The following SCP2 variants were observed in gnomAD, a reference collection of about 807,000 sequenced individuals.
SCP2 encodes sterol carrier protein 2.
Under a neutral mutation model 71.4 loss-of-function variants are expected in SCP2, and 48 were observed. That is an observed-to-expected ratio of 0.67 (90% CI 0.53 to 0.86). The LOEUF (loss-of-function observed/expected upper bound fraction) is 0.86, where lower values mean the gene tolerates loss of function less well. Ranked by LOEUF, SCP2 falls within the 40% of genes least tolerant of loss-of-function variation. SCP2 has a pLI of 0.00. For missense variants in SCP2, 560 were observed against 655.6 expected (o/e 0.85, Z 1.59); for synonymous variants, 220 against 218.1 (o/e 1.01, Z -0.08).
intron 11 of SCP2, among the ~76,000 whole-genome samples, chr1:53,007,108 C>T (rs1295372658): frequency 6.6e-6 from 1 of 152,184 alleles, no homozygotes; most frequent in East Asian, 1.9e-4. Flanking sequence ...TCACCCAATA[C>T]AGGAGCACCC....
intron 11 of SCP2, chr1:52,996,147 G>A (rs1381263112): frequency 2.4e-6 from 1 of 423,500 alleles, no homozygotes; most frequent in East Asian, 3.6e-5. Context: ...CTAGAACAGT[G>A]CTTAGCACGT....
chr1:52,948,277 C>T (rs1035058412), intron 3 of SCP2, among the ~76,000 whole-genome samples, 197 bp downstream of exon 3: 2 of 152,104 alleles, frequency 1.3e-5, no homozygotes, highest in Non-Finnish European at 2.9e-5. Context: ...TAAAGATTTC[C>T]CTTGTGTGTC....
intron 11 of SCP2, among the ~76,000 whole-genome samples, chr1:53,002,914 G>A (rs2150211714): frequency 6.6e-6 from 1 of 152,242 alleles, no homozygotes; most frequent in East Asian, 1.9e-4. Flanking sequence ...TAAATCCTAG[G>A]ACGATGACTG....
intron 6 of SCP2, among the ~76,000 whole-genome samples, chr1:52,968,314 C>T (rs534887383): frequency 6.6e-6 from 1 of 152,138 alleles, no homozygotes; most frequent in African/African-American, 2.4e-5. Context: ...GGTAGTTTGT[C>T]TCTTTTGTTA....
At chr1:53,033,787 G>C (rs1662723794) in intron 13 of SCP2, among the ~76,000 whole-genome samples, 2 of 152,006 alleles carry the variant, frequency 1.3e-5, no homozygotes, top group African/African-American at 4.8e-5. Flanking sequence ...TTATGACCCA[G>C]CAATTACACT....
At chr1:52,961,265 A>C (rs1656418592) in intron 5 of SCP2, among the ~76,000 whole-genome samples, 1 of 149,092 alleles carries the variant, frequency 6.7e-6, no homozygotes, top group South Asian at 2.1e-4. Context: ...AGTTACTGGC[A>C]CATACTGGAT....
rs768237657 is a variant in SCP2 at position 52,978,337 on chromosome 1, C to A, written c.795C>A (p.Ser265Arg). Residue 265 changes from serine to arginine, a missense_variant, in exon 9 of 16, where the codon AGC becomes AGA. This residue lies in a region of SCP2 where 513 missense variants were observed against 573.1 expected (regional missense o/e 0.90). Coordinates refer to ENST00000371514, the MANE Select transcript of SCP2 (RefSeq NM_002979.5). ...AAGAAATGATGACTGATTTGCCAAG[C>A]TCGTTTGAAGAAAAAAGCATTATTA... The part of the protein sequence containing the change: ...LAQEMMTDLP[S>R]SFEEKSIIKM... The A allele has an allele frequency of 6.2e-7, 1 of 1,613,886 alleles. No individual in the cohort carries two copies. The highest frequency in any genetic ancestry group is 2.2e-5 in the East Asian group (1 of 44,884).
In SCP2 at chr1:52,954,674, T is replaced by C. The variant is rs368169797; in HGVS notation, c.332-66T>C. 2.4e-4 allele frequency: 288 copies of C among 1,212,180 alleles called. 3 individuals are homozygous for C. Among genetic ancestry groups the C allele is most frequent in the Middle Eastern group, 2.3e-3 (12 of 5,112 alleles). 75.1% of individuals were successfully genotyped at this position (1,212,180 alleles called of 1,614,324 possible). On this transcript the variant is annotated intron_variant, in intron 4 of 15. Transcript: ENST00000371514. ...CTTGACGTACTTATTTGAATTGAAG[T>C]ATTTAATGGTATTTTGTTGGTGTTT... is the stretch of plus-strand genomic sequence containing the variant.
intron 12 of SCP2, among the ~76,000 whole-genome samples, chr1:53,019,028 A>G (rs1340702663): frequency 6.6e-6 from 1 of 152,098 alleles, no homozygotes; most frequent in East Asian, 1.9e-4. Context: ...TCAGTTTGCA[A>G]TTGCCTAATG....
At chr1:52,993,845 A>G (rs188594598) in intron 11 of SCP2, 20 of 1,500,564 alleles carry the variant, frequency 1.3e-5, no homozygotes, top group Non-Finnish European at 1.8e-5. Flanking sequence ...ATGCATTTAT[A>G]CAACATTAGT....
chr1:52,965,147 T>G (rs1656839173), intron 6 of SCP2, among the ~76,000 whole-genome samples: 1 of 152,238 alleles, frequency 6.6e-6, no homozygotes, highest in Non-Finnish European at 1.5e-5. Context: ...TATTATATAA[T>G]CTACAGACCT....
intron 12 of SCP2, among the ~76,000 whole-genome samples, chr1:53,027,318 G>C (rs1662203342): frequency 6.6e-6 from 1 of 152,042 alleles, no homozygotes; most frequent in Non-Finnish European, 1.5e-5. Context: ...GCCTCCCAAA[G>C]TGTAGGATTA....
chr1:52,981,631 C>T (rs182738090), intron 10 of SCP2, among the ~76,000 whole-genome samples: 35 of 151,610 alleles, frequency 2.3e-4, no homozygotes, highest in Non-Finnish European at 3.8e-4. Flanking sequence ...AGGGTTTCAC[C>T]ATGTTGCGCG....
At chr1:52,980,686 T>C in intron 10 of SCP2, 143 bp downstream of exon 10, 2 of 829,976 alleles carry the variant, frequency 2.4e-6, no homozygotes, top group Non-Finnish European at 2.0e-6. Context: ...TAAGCTGTTT[T>C]GGTAGTGGAC....
intron 12 of SCP2, among the ~76,000 whole-genome samples, chr1:53,015,545 C>G (rs1324896769): frequency 2.6e-5 from 4 of 152,168 alleles, no homozygotes; most frequent in Non-Finnish European, 4.4e-5. Context: ...ACTCAGGATC[C>G]CTCAACTCCC....
In SCP2 at chr1:53,038,956, G is replaced by T. The variant is rs778291738; in HGVS notation, c.1378G>T (p.Ala460Ser). 1 of 1,613,962 alleles carries T rather than the reference G, an allele frequency of 6.2e-7. No homozygotes were observed. Among genetic ancestry groups the T allele is most frequent in the African/African-American group, 1.3e-5 (1 of 74,886 alleles). Residue 460 changes from alanine to serine, a missense_variant, in exon 14 of 16, where the codon GCC becomes TCC. Transcript: ENST00000371514. ...QFVKKIGGIF[A>S]FKVKDGPGGK... The stretch of plus-strand genomic sequence containing the variant: ...TGTGAAGAAAATCGGTGGTATTTTT[G>T]CCTTCAAGGTGAAAGATGGCCCTGG...
At chr1:53,018,895 C>T (rs1294148074) in intron 12 of SCP2, among the ~76,000 whole-genome samples, 3 of 151,994 alleles carry the variant, frequency 2.0e-5, no homozygotes, top group Admixed American at 1.3e-4. Context: ...CCTAAAAATG[C>T]ATTTAGCTGT....
intron 2 of SCP2, chr1:52,943,646 C>T (rs1168588775): frequency 4.6e-6 from 2 of 432,318 alleles, no homozygotes; most frequent in South Asian, 1.8e-5. Context: ...ATAGGCCTCA[C>T]TTACTTCTTG....
Position 52,976,706 on chromosome 1 carries a change from A to G in SCP2, c.611A>G (p.Tyr204Cys). The stretch of plus-strand genomic sequence containing the variant: ...AGGTATTCCCAGTTCCAAGATGAAT[A>G]CAGTTTAGATGAAGTGATGGCATCT... ...NNPYSQFQDEYSLDEVMASKE... is the reference protein window; with the variant it reads ...NNPYSQFQDECSLDEVMASKE... The change falls in exon 8 of 16, where the codon TAC becomes TGC. Residue 204 changes from tyrosine to cysteine, a missense_variant. By Grantham distance (194) the Tyr-to-Cys change is radical. Transcript: ENST00000371514. The G allele has an allele frequency of 6.4e-7, 1 of 1,561,276 alleles. No individual in the cohort carries two copies. The highest frequency in any genetic ancestry group is 1.4e-5 in the African/African-American group (1 of 73,662).
Sources: allele counts gnomAD v4.1 joint callset (sites outside exome capture counted in the v4.1 genomes callset), GRCh38; gene constraint gnomAD v4.1.1; regional missense constraint gnomAD v4.1.1; transcripts MANE v1.5; gene names NCBI Gene and HGNC (gene_info 2026-07-23, HGNC 2026-07-21).